The following TJP2 variants were observed in gnomAD, a reference collection of about 807,000 sequenced individuals.
TJP2 encodes tight junction protein 2.
Under a neutral mutation model 133.1 loss-of-function variants are expected in TJP2, and 91 were observed. That is an observed-to-expected ratio of 0.68 (90% CI 0.58 to 0.81). The LOEUF (loss-of-function observed/expected upper bound fraction) is 0.81. Ranked by LOEUF, TJP2 falls within the 40% of genes least tolerant of loss-of-function variation. The pLI, the probability that TJP2 is intolerant of heterozygous loss-of-function variation, is 0.00. For missense variants in TJP2, 1,541 were observed against 1,565.6 expected (o/e 0.98, Z 0.26); for synonymous variants, 592 against 583.4 (o/e 1.01, Z -0.21).
intron 1 of TJP2, among the ~76,000 whole-genome samples, chr9:69,187,028 A>T (rs936024303): frequency 1.3e-5 from 2 of 152,220 alleles, no homozygotes; most frequent in African/African-American, 2.4e-5. Context: ...AGGCATTGCT[A>T]AACTTCTAAG....
intron 12 of TJP2, among the ~76,000 whole-genome samples, chr9:69,235,592 G>C (rs946198559): frequency 2.0e-5 from 3 of 152,144 alleles, no homozygotes; most frequent in Admixed American, 6.5e-5. Context: ...AAAGTGCTGG[G>C]ATTATAGGCA....
intron 20 of TJP2, among the ~76,000 whole-genome samples, chr9:69,250,680 A>G (rs537373714): frequency 3.3e-5 from 5 of 151,888 alleles, no homozygotes; most frequent in Non-Finnish European, 7.4e-5. Flanking sequence ...TCAGAAGCCC[A>G]CTCTTCGAGT....
In TJP2 at chr9:69,236,859, A is replaced by G. The variant is rs184325212; in HGVS notation, c.1992-90A>G. 1,907 of 1,449,368 alleles carry G rather than the reference A, an allele frequency of 1.3e-3. 1 individual carries two copies. The highest frequency in any genetic ancestry group is 1.7e-3 in the Non-Finnish European group (1,749 of 1,030,794). The allele number at this position is 1,449,368 out of a possible 1,614,324, so 89.8% of individuals were successfully genotyped here. On this transcript the variant is annotated intron_variant, in intron 13 of 22. Transcript: ENST00000377245. ...GTCAAGCGGAATCTTCTCTGAGCTC[A>G]GAAGTAAAATTGACTGGATTTGATT...
intron 1 of TJP2, chr9:69,151,549 A>T: frequency 8.3e-7 from 1 of 1,202,276 alleles, no homozygotes; most frequent in Non-Finnish European, 1.0e-6. Flanking sequence ...CCATCCTAAA[A>T]ACGGGCAAAT....
intron 4 of TJP2, chr9:69,218,608 A>G: frequency 2.0e-6 from 1 of 506,248 alleles, no homozygotes; most frequent in Non-Finnish European, 3.6e-6. Context: ...AAGTTAGGCA[A>G]TTATTCCCTA....
chr9:69,154,708 T>C (rs1269927463), intron 2 of TJP2, among the ~76,000 whole-genome samples: 3 of 151,756 alleles, frequency 2.0e-5, no homozygotes, highest in Non-Finnish European at 4.4e-5. Flanking sequence ...GAGGAGCCCT[T>C]GAGCCCAGGA....
intron 1 of TJP2, among the ~76,000 whole-genome samples, chr9:69,177,281 A>G (rs1024513542): frequency 6.6e-6 from 1 of 152,222 alleles, no homozygotes; most frequent in African/African-American, 2.4e-5. Context: ...AGTGGAGGGA[A>G]GCAGAACAGT....
Position 69,144,324 on chromosome 9 carries a change from G to C in TJP2, c.-130-7327G>C, listed in dbSNP as rs80130023. Among the ~76,000 whole-genome samples the C allele has an allele frequency of 2.1e-3, 322 of 152,332 alleles. 1 individual carries two copies. The highest frequency in any genetic ancestry group is 3.4e-3 in the Middle Eastern group (1 of 294). On this transcript the variant is annotated intron_variant, in intron 1 of 5. Transcript: ENST00000423935. ...TGCTATTGAGGAAAGAGAATCTGTA[G>C]AAGTAGGGTTTAAGATTTGCGGGGA... is the stretch of plus-strand genomic sequence containing the variant.
intron 14 of TJP2, 128 bp from the exon 15 acceptor site, chr9:69,237,750 C>G: frequency 1.4e-6 from 1 of 724,948 alleles, no homozygotes; most frequent in Non-Finnish European, 2.5e-6. Context: ...CAGAGCCAAG[C>G]TGAATTGGGG....
chr9:69,142,833 A>C (rs1261286458), intron 1 of TJP2, among the ~76,000 whole-genome samples: 1 of 152,262 alleles, frequency 6.6e-6, no homozygotes, highest in Admixed American at 6.5e-5. Flanking sequence ...TGTATATTTA[A>C]AAACACTTTT....
At chr9:69,203,879 C>G (rs112564157) in intron 1 of TJP2, among the ~76,000 whole-genome samples, 1,896 of 152,206 alleles carry the variant, frequency 0.012, 25 homozygotes, top group African/African-American at 0.043. Context: ...TCCCAAAGTG[C>G]TAGGATTACA....
chr9:69,227,413 A>G (rs1318887162), intron 7 of TJP2, among the ~76,000 whole-genome samples: 2 of 152,212 alleles, frequency 1.3e-5, no homozygotes, highest in Non-Finnish European at 2.9e-5. Flanking sequence ...GCATCCTAAC[A>G]AGATTTGTAT....
intron 1 of TJP2, among the ~76,000 whole-genome samples, chr9:69,181,924 C>T (rs1381429588): frequency 6.6e-6 from 1 of 152,154 alleles, no homozygotes; most frequent in Admixed American, 6.5e-5. Context: ...GCAGCTTAAG[C>T]CAGCAACTGC....
chr9:69,121,816 G>A (rs531918644), intron 1 of TJP2: 42 of 152,584 alleles, frequency 2.8e-4, no homozygotes, highest in African/African-American at 9.9e-4. Context: ...CCTGTGCCCA[G>A]GCGTCGCCGG....
At chr9:69,199,863 C>CT (rs1286238341) in intron 1 of TJP2, among the ~76,000 whole-genome samples, 2 of 152,158 alleles carry the variant, frequency 1.3e-5, no homozygotes, top group Non-Finnish European at 2.9e-5. Flanking sequence ...CAGTGGTGGG[C>CT]TGTGTACACT....
intron 1 of TJP2, among the ~76,000 whole-genome samples, chr9:69,175,031 T>G (rs1028082168): frequency 6.6e-6 from 1 of 152,216 alleles, no homozygotes; most frequent in African/African-American, 2.4e-5. Flanking sequence ...GTTCTTTTTA[T>G]GTCTTCATTT....
At position 69,221,376 on chromosome 9, in the gene TJP2, C is replaced by A; in HGVS notation, c.832C>A (p.Arg278Ser). Residue 278 changes from arginine (R) to serine (S), a missense_variant, in exon 5 of 23, where the codon CGC becomes AGC. Coordinates refer to ENST00000377245, the MANE Select transcript of TJP2 (RefSeq NM_004817.4). ...CAGGCGCGGGGCCCGCCACGATGCC[C>A]GCTCTCGGGGACCCCGAAGCCGCAG... ...EYRRGARHDA[R>S]SRGPRSRSRE... 6.3e-7 allele frequency: 1 copy of A among 1,583,528 alleles called. No individual in the cohort carries two copies. Among genetic ancestry groups the A allele is most frequent in the East Asian group, 2.3e-5 (1 of 43,160 alleles).
rs1588122836 is a variant in TJP2, at chr9:69,232,405, A to G, written c.1672-2034A>G. On this transcript the variant is annotated intron_variant, in intron 11 of 22. Coordinates refer to ENST00000377245, the MANE Select transcript of TJP2 (RefSeq NM_004817.4). ...CAGACACGGCTAGACCCTGTAGACT[A>G]CTAAATAGCTAATCAAAGAGGATAT... Among the ~76,000 whole-genome samples the G allele has an allele frequency of 2.0e-5, 3 of 152,350 alleles. No homozygotes were observed. The South Asian group carries it at 6.2e-4, about 32-fold the overall frequency.
chr9:69,235,318 T>G (rs1830099032), intron 12 of TJP2, among the ~76,000 whole-genome samples: 1 of 46,588 alleles, frequency 2.1e-5, no homozygotes, highest in South Asian at 9.7e-4. Context: ...TTTATTTATT[T>G]ATTTATTTAT....
Sources: allele counts gnomAD v4.1 joint callset (sites outside exome capture counted in the v4.1 genomes callset), GRCh38; gene constraint gnomAD v4.1.1; transcripts MANE v1.5; gene names NCBI Gene and HGNC (gene_info 2026-07-23, HGNC 2026-07-21).